The following IL18 variants were observed in gnomAD, a reference collection of about 807,000 sequenced individuals.
The protein encoded by IL18 is interleukin-18.
In IL18, 8 loss-of-function variants were observed where a neutral mutation model predicts 14.2. The observed-to-expected ratio is 0.56, with a 90% CI of 0.33 to 1.01. The LOEUF is 1.01. IL18 is among the 50% of genes least tolerant of loss of function. The pLI is 0.03. For missense variants in IL18, 166 were observed against 231.1 expected (o/e 0.72, Z 1.83); for synonymous variants, 67 against 71.0 (o/e 0.94, Z 0.28).
In IL18 at chr11:112,159,579, T is replaced by C. The variant is rs1163767029; in HGVS notation, c.-9+4327A>G. 2.0e-5 allele frequency among the ~76,000 whole-genome samples: 3 copies of C among 152,222 alleles called. No individual in the cohort carries two copies. The East Asian group carries it at 5.8e-4, about 29-fold the overall frequency. Reference sequence around the variant, plus strand: ...TGGCTTGGGCAATTTGTTGAGTGGTTACCTCATTCATTAAGAAAAAAGAAC... The same window carrying C: ...TGGCTTGGGCAATTTGTTGAGTGGTCACCTCATTCATTAAGAAAAAAGAAC... On this transcript the variant is annotated intron_variant, in intron 1 of 5. Coordinates refer to ENST00000280357, the MANE Select transcript of IL18 (RefSeq NM_001562.4).
intron 1 of IL18, among the ~76,000 whole-genome samples, chr11:112,158,591 T>G (rs945706670): frequency 2.1e-5 from 3 of 144,096 alleles, no homozygotes; most frequent in African/African-American, 7.6e-5. Flanking sequence ...TATATAAAAT[T>G]ATTTAAAATT....
chr11:112,151,445 T>G (rs1346268155), intron 3 of IL18, among the ~76,000 whole-genome samples: 1 of 152,206 alleles, frequency 6.6e-6, no homozygotes, highest in African/African-American at 2.4e-5. Flanking sequence ...TTTCATATTA[T>G]TATCTTTTTT....
At chr11:112,163,005 C>T (rs1866660872) in intron 1 of IL18, among the ~76,000 whole-genome samples, 1 of 152,132 alleles carries the variant, frequency 6.6e-6, no homozygotes, top group South Asian at 2.1e-4. Flanking sequence ...TTCCTGGGCT[C>T]AGGCCTGCCT....
At chr11:112,151,439 ATAT>A (rs1255974100) in intron 3 of IL18, among the ~76,000 whole-genome samples, 2 of 152,098 alleles carry the variant, frequency 1.3e-5, no homozygotes, top group African/African-American at 4.8e-5. Flanking sequence ...TTTATCTTTC[ATAT>A]TATTATCTTT....
At chr11:112,160,060 C>T (rs1229894670) in intron 1 of IL18, among the ~76,000 whole-genome samples, 1 of 152,086 alleles carries the variant, frequency 6.6e-6, no homozygotes, top group Non-Finnish European at 1.5e-5. Context: ...AAACTGAAAC[C>T]TGGGAGTCAT....
At chr11:112,148,795 T>A in intron 4 of IL18, 59 bp from the exon 5 acceptor site, 2 of 1,171,714 alleles carry the variant, frequency 1.7e-6, no homozygotes, top group Non-Finnish European at 2.3e-6. Context: ...CAGGAACATT[T>A]GCGGAAATTT....
intron 5 of IL18, among the ~76,000 whole-genome samples, chr11:112,144,743 A>C (rs1866306525): frequency 2.0e-5 from 3 of 152,240 alleles, no homozygotes; most frequent in African/African-American, 7.2e-5. Flanking sequence ...CTTCCTGCCA[A>C]GCACTCCAGT....
At chr11:112,150,012 G>A (rs1866411202) in intron 4 of IL18, 60 bp downstream of exon 4, 14 of 1,438,322 alleles carry the variant, frequency 9.7e-6, no homozygotes, top group African/African-American at 1.4e-5. Context: ...AATGTAAGCA[G>A]TAAAACAGAA....
At position 112,143,379 on chromosome 11, in the gene IL18, C is replaced by A; in HGVS notation, c.*217G>T. The A allele has an allele frequency of 4.9e-6, 2 of 411,662 alleles. No individual in the cohort carries two copies. The highest frequency in any genetic ancestry group is 4.1e-5 in the African/African-American group (2 of 49,358). 25.5% of individuals were successfully genotyped at this position (411,662 alleles called of 1,614,324 possible). Reference sequence around the variant, plus strand: ...CACCACAACCTCTACCTCCGGAGTGCAAGTGATTCTCCTGCCTCAGCCTCT... The same window carrying A: ...CACCACAACCTCTACCTCCGGAGTGAAAGTGATTCTCCTGCCTCAGCCTCT... On this transcript the variant is annotated 3_prime_UTR_variant, in exon 6 of 6. Coordinates refer to ENST00000280357, the MANE Select transcript of IL18 (RefSeq NM_001562.4).
At chr11:112,147,659 G>T (rs1866366013) in intron 5 of IL18, among the ~76,000 whole-genome samples, 2 of 152,158 alleles carry the variant, frequency 1.3e-5, no homozygotes, top group African/African-American at 4.8e-5. Flanking sequence ...TGTATCTGTT[G>T]CATATGCACT....
rs116773425 is a variant in IL18 at position 112,146,752 on chromosome 11, C to T, written c.360+1851G>A. ...TAGTCCACCCCTCACTCTCTCCCCC[C>T]CTCCAACTAATATTTATTGAGTTCC... is the stretch of plus-strand genomic sequence containing the variant. On this transcript the variant is annotated intron_variant, in intron 5 of 5. Transcript: ENST00000280357. 5.3e-3 allele frequency among the ~76,000 whole-genome samples: 810 copies of T among 151,786 alleles called. 8 individuals carry two copies. Among genetic ancestry groups the T allele is most frequent in the African/African-American group, 0.017 (687 of 41,384 alleles).
At chr11:112,145,892 G>A (rs2135307897) in intron 5 of IL18, among the ~76,000 whole-genome samples, 1 of 152,238 alleles carries the variant, frequency 6.6e-6, no homozygotes, top group Admixed American at 6.5e-5. Flanking sequence ...TCCTAGTTTT[G>A]ATGTTGACCA....
At chr11:112,153,259 A>C in intron 3 of IL18, 1 of 217,350 alleles carries the variant, frequency 4.6e-6, no homozygotes, top group Non-Finnish European at 9.0e-6. Context: ...CTAATGCTTC[A>C]ATCCCTTTTT....
intron 1 of IL18, among the ~76,000 whole-genome samples, chr11:112,161,817 A>ACAG (rs796223768): frequency 7.1e-4 from 108 of 152,252 alleles, no homozygotes; most frequent in African/African-American, 2.5e-3. Context: ...AACAACAACA[A>ACAG]CAAACATACT....
chr11:112,143,826 A>G lies in IL18; in HGVS notation c.361-9T>C. 1 of 1,492,102 alleles carries G rather than the reference A, an allele frequency of 6.7e-7. No individual in the cohort carries two copies. Among genetic ancestry groups the G allele is most frequent in the South Asian group, 1.2e-5 (1 of 84,946 alleles). 92.4% of individuals were successfully genotyped at this position (1,492,102 alleles called of 1,614,324 possible). On this transcript the variant is annotated splice_polypyrimidine_tract_variant and intron_variant, in intron 5 of 5. Transcript: ENST00000280357. The stretch of plus-strand genomic sequence containing the variant: ...TCAGGAGGATTCATTTCCTATAGAG[A>G]AAAAAACATTACCTAATTATTTCAG...
At chr11:112,147,385 A>C (rs1335251679) in intron 5 of IL18, among the ~76,000 whole-genome samples, 1 of 152,140 alleles carries the variant, frequency 6.6e-6, no homozygotes, top group Non-Finnish European at 1.5e-5. Context: ...GTAGGTTCGG[A>C]CTTATCCCAG....
rs71060226 is a variant in IL18, at chr11:112,158,521, G to GTTTTTT, written c.-8-3466_-8-3461dup. Among the ~76,000 whole-genome samples, 5 of 104,986 alleles carry GTTTTTT rather than the reference G, an allele frequency of 4.8e-5. 2 individuals are homozygous for GTTTTTT. The highest frequency in any genetic ancestry group is 7.2e-5 in the African/African-American group (2 of 27,656). 68.9% of individuals were successfully genotyped at this position (104,986 alleles called of 152,430 possible). ...CTTGGTTTCAACATATTTATTTGGA[G>GTTTTTT]TTTTTTTTTTTTTGCACAGCAGTAA... is the stretch of plus-strand genomic sequence containing the variant. On this transcript the variant is annotated intron_variant, in intron 1 of 5. Coordinates refer to ENST00000280357, the MANE Select transcript of IL18 (RefSeq NM_001562.4).
intron 1 of IL18, among the ~76,000 whole-genome samples, chr11:112,160,581 T>C (rs1389366647): frequency 6.6e-6 from 1 of 152,138 alleles, no homozygotes; most frequent in Non-Finnish European, 1.5e-5. Flanking sequence ...TTTCAACACC[T>C]GGAAAGAGCT....
chr11:112,154,850 G>C, intron 2 of IL18, 125 bp downstream of exon 2: 1 of 604,296 alleles, frequency 1.7e-6, no homozygotes, highest in Non-Finnish European at 2.9e-6. Context: ...ATTTTTTTAA[G>C]AGCCATTAAT....
Sources: gnomAD v4.1 joint callset for allele counts (sites outside exome capture counted in the v4.1 genomes callset) on GRCh38, gnomAD v4.1.1 for gene constraint, MANE v1.5 for transcripts, NCBI Gene and HGNC (gene_info 2026-07-23, HGNC 2026-07-21) for gene names.